Variants in PRKCB observed in about 807,000 individuals in gnomAD.
PRKCB encodes protein kinase C beta, also known as protein kinase C beta type.
Under a neutral mutation model 81.5 loss-of-function variants are expected in PRKCB, and 13 were observed. The ratio of observed to expected loss-of-function variants is 0.16; its 90% CI spans 0.10 to 0.25. The LOEUF (loss-of-function observed/expected upper bound fraction) is 0.25, where lower values mean the gene tolerates loss of function less well. Among genes scored for constraint, PRKCB ranks in the 10% least tolerant of loss-of-function variants. PRKCB has a pLI of 1.00. For missense variants in PRKCB, 509 were observed against 875.7 expected, an observed-to-expected ratio of 0.58 and a Z score of 5.29; for synonymous variants, 335 against 321.4, an observed-to-expected ratio of 1.04 and a Z score of -0.45.
intron 9 of PRKCB, chr16:24,151,875 G>A (rs896711918): frequency 3.1e-5 from 14 of 455,412 alleles, no homozygotes; most frequent in African/African-American, 2.6e-4. Context: ...ACAGATGTAG[G>A]ATGTCCACCC....
chr16:24,069,312 G>C (rs961669075), intron 5 of PRKCB, among the ~76,000 whole-genome samples: 1 of 152,222 alleles, frequency 6.6e-6, no homozygotes, highest in Non-Finnish European at 1.5e-5. Context: ...CCTCAGAACA[G>C]CCTGTTTTTA....
At chr16:23,854,554 A>C (rs11647116) in intron 2 of PRKCB, among the ~76,000 whole-genome samples, 1 of 151,792 alleles carries the variant, frequency 6.6e-6, no homozygotes, top group African/African-American at 2.4e-5. Context: ...CCAGTGGGCT[A>C]TCCTGAGCAT....
chr16:24,055,650 C>T (rs1965894972), intron 5 of PRKCB, among the ~76,000 whole-genome samples: 1 of 152,192 alleles, frequency 6.6e-6, no homozygotes, highest in Non-Finnish European at 1.5e-5. Context: ...CCTAAGCAGG[C>T]TTTCAAATTG....
intron 3 of PRKCB, among the ~76,000 whole-genome samples, chr16:24,023,196 G>A (rs2141847978): frequency 1.3e-5 from 2 of 152,272 alleles, no homozygotes; most frequent in African/African-American, 4.8e-5. Context: ...TTACAGGCAT[G>A]AGCCACTGCT....
chr16:23,836,132 C>T lies in PRKCB; in HGVS notation c.-44C>T. The T allele has an allele frequency of 2.4e-6, 3 of 1,269,014 alleles. No homozygotes were observed. The highest frequency in any genetic ancestry group is 3.0e-6 in the Non-Finnish European group (3 of 1,000,526). The allele number at this position is 1,269,014 out of a possible 1,614,324, so 78.6% of individuals were successfully genotyped here. A position where few individuals can be genotyped will look rare whatever the true frequency, so the allele number is the denominator to read the frequency against. On this transcript the variant is annotated 5_prime_UTR_variant, in exon 1 of 17. Coordinates refer to ENST00000643927, the MANE Select transcript of PRKCB (RefSeq NM_002738.7). ...CGGCCCGCAGCCCGCGGTCCCGCGGCCCCGGGGCCGGCACCTCTCGGGCTC... is the reference window on the plus strand; with the variant it reads ...CGGCCCGCAGCCCGCGGTCCCGCGGTCCCGGGGCCGGCACCTCTCGGGCTC...
intron 2 of PRKCB, among the ~76,000 whole-genome samples, chr16:23,862,806 G>T (rs1389923115): frequency 2.0e-5 from 3 of 151,984 alleles, no homozygotes; most frequent in Non-Finnish European, 4.4e-5. Flanking sequence ...ATAAGACCGG[G>T]ACTTGCTGGG....
chr16:23,908,775 C>T (rs1963606632), intron 2 of PRKCB, among the ~76,000 whole-genome samples: 1 of 152,162 alleles, frequency 6.6e-6, no homozygotes, highest in Non-Finnish European at 1.5e-5. Context: ...GCCTCAGCCT[C>T]CCAAAGTGCT....
rs1409409555 is a variant in PRKCB at position 23,981,846 on chromosome 16, C to T, written c.206-6662C>T. Among the ~76,000 whole-genome samples, 12 of 3,306 alleles carry T rather than the reference C, an allele frequency of 3.6e-3. 1 individual carries two copies. The highest frequency in any genetic ancestry group is 0.011 in the East Asian group (1 of 94). 2.2% of individuals were successfully genotyped at this position (3,306 alleles called of 152,430 possible). A position where few individuals can be genotyped will look rare whatever the true frequency, so the allele number is the denominator to read the frequency against. On this transcript the variant is annotated intron_variant, in intron 2 of 16. Transcript: ENST00000643927. The stretch of plus-strand genomic sequence containing the variant: ...CCTTCCCCTTCCCTTCCCTTCCCTT[C>T]CCCTTCCCCTTCCCCTCCCCTTCCC...
chr16:23,883,694 G>A (rs1001623890), intron 2 of PRKCB, among the ~76,000 whole-genome samples: 1 of 152,110 alleles, frequency 6.6e-6, no homozygotes, highest in Non-Finnish European at 1.5e-5. Flanking sequence ...GATTTGGGAG[G>A]TAAAAGGACT....
chr16:23,972,496 A>G (rs550055970), intron 2 of PRKCB, among the ~76,000 whole-genome samples: 2 of 152,294 alleles, frequency 1.3e-5, no homozygotes, highest in East Asian at 1.9e-4. Flanking sequence ...TCCACATTTT[A>G]TCTATTTCCT....
chr16:24,205,696 T>C (rs1209047643), intron 16 of PRKCB, among the ~76,000 whole-genome samples: 1 of 152,242 alleles, frequency 6.6e-6, no homozygotes, highest in Non-Finnish European at 1.5e-5. Context: ...CTATTATTTG[T>C]CCATTTGATT....
chr16:24,197,554 T>C (rs1043260589), intron 16 of PRKCB, among the ~76,000 whole-genome samples: 4 of 152,262 alleles, frequency 2.6e-5, no homozygotes, highest in Admixed American at 6.5e-5. Flanking sequence ...CACTGAAGGA[T>C]CTTTGGCTTT....
chr16:23,985,184 TG>T (rs1399288101), intron 2 of PRKCB, among the ~76,000 whole-genome samples: 1 of 152,122 alleles, frequency 6.6e-6, no homozygotes, highest in East Asian at 1.9e-4. Flanking sequence ...CTCCGCCTCC[TG>T]GGTTCAAGCA....
chr16:23,836,732 G>A (rs972714874), intron 1 of PRKCB, among the ~76,000 whole-genome samples: 3 of 151,058 alleles, frequency 2.0e-5, no homozygotes, highest in Non-Finnish European at 3.0e-5. Context: ...GCCTGCTTCC[G>A]GGCGCGAGGA....
chr16:23,847,354 ATCTATCTATCTATCTATCTATCTG>A (rs55647401), intron 2 of PRKCB, among the ~76,000 whole-genome samples: 26,852 of 113,478 alleles, frequency 0.24, 2,907 homozygotes, highest in South Asian at 0.25. Context: ...CTATCTATCT[ATCTATCTATCTATCTATCTATCTG>A]TCCATCTATC....
At chr16:24,160,337 C>T (rs554488579) in intron 10 of PRKCB, among the ~76,000 whole-genome samples, 2 of 152,080 alleles carry the variant, frequency 1.3e-5, no homozygotes, top group African/African-American at 2.4e-5. Flanking sequence ...CCATTGTTAT[C>T]ATGACTAAAA....
Position 24,095,072 on chromosome 16 carries a change from G to A in PRKCB, c.821+775G>A, listed in dbSNP as rs572745927. 3.9e-5 allele frequency among the ~76,000 whole-genome samples: 6 copies of A among 152,168 alleles called. No homozygotes were observed. In the South Asian group the frequency reaches 8.3e-4, roughly 21 times the overall value. ...GGACATGGATTTTCTATTTGTCACC[G>A]TCCTCACCACTCCCTATTTTATTAC... is the stretch of plus-strand genomic sequence containing the variant. On this transcript the variant is annotated intron_variant, in intron 7 of 16. Transcript: ENST00000643927.
At chr16:23,903,402 T>A (rs193094235) in intron 2 of PRKCB, among the ~76,000 whole-genome samples, 188 of 152,214 alleles carry the variant, frequency 1.2e-3, no homozygotes, top group Non-Finnish European at 2.1e-3. Context: ...ACCACATCAT[T>A]TCCCCCCTAA....
chr16:24,121,780 T>C (rs76914733), intron 8 of PRKCB, among the ~76,000 whole-genome samples: 33 of 152,300 alleles, frequency 2.2e-4, no homozygotes, highest in Admixed American at 3.9e-4. Flanking sequence ...AATGCAACAA[T>C]AATAATAGCT....
Sources: allele counts gnomAD v4.1 joint callset (sites outside exome capture counted in the v4.1 genomes callset), GRCh38; gene constraint gnomAD v4.1.1; transcripts MANE v1.5; gene names NCBI Gene and HGNC (gene_info 2026-07-23, HGNC 2026-07-21).